CADPS2: variants seen among roughly 807,000 people sequenced by gnomAD.
CADPS2 encodes the protein calcium dependent secretion activator 2.
A neutral mutation model predicts 172.5 loss-of-function variants in CADPS2; 93 were observed. That is an observed-to-expected ratio of 0.54 (90% CI 0.46 to 0.64). CADPS2 has a LOEUF of 0.64. CADPS2 is among the 30% of genes least tolerant of loss of function. CADPS2 has a pLI of 0.00. For synonymous variants in CADPS2, 546 were observed against 555.2 expected (o/e 0.98, Z 0.23); for missense variants, 1,420 against 1,565.9 (o/e 0.91, Z 1.57).
At chr7:122,581,377 T>TA (rs2068791492) in intron 6 of CADPS2, 87 bp from the exon 7 acceptor site, 5 of 967,712 alleles carry the variant, frequency 5.2e-6, no homozygotes, top group Non-Finnish European at 8.2e-6. Flanking sequence ...GCAAATTAAA[T>TA]ACAGAATCTT....
At chr7:122,518,516 A>ACC (rs1299954057) in intron 8 of CADPS2, among the ~76,000 whole-genome samples, 1 of 152,112 alleles carries the variant, frequency 6.6e-6, no homozygotes, top group African/African-American at 2.4e-5. Flanking sequence ...TGAGTCTACC[A>ACC]AATAAACATA....
At chr7:122,330,226 T>TA (rs1299138364) in intron 28 of CADPS2, among the ~76,000 whole-genome samples, 5 of 152,206 alleles carry the variant, frequency 3.3e-5, no homozygotes, top group African/African-American at 1.2e-4. Context: ...CCTTAGGAAA[T>TA]ATGTACCTTT....
At chr7:122,698,370 G>A in intron 2 of CADPS2, 3 of 1,613,718 alleles carry the variant, frequency 1.9e-6, no homozygotes, top group South Asian at 1.1e-5. Flanking sequence ...TCCAGATGAT[G>A]TGCTTTCTCC....
chr7:122,456,139 T>C (rs903274562), intron 14 of CADPS2, among the ~76,000 whole-genome samples: 2 of 152,128 alleles, frequency 1.3e-5, no homozygotes, highest in Non-Finnish European at 2.9e-5. Flanking sequence ...AGAAAATCTT[T>C]AGTGTTTAAT....
intron 6 of CADPS2, among the ~76,000 whole-genome samples, chr7:122,613,839 C>T (rs896335543): frequency 8.6e-5 from 13 of 151,924 alleles, no homozygotes; most frequent in African/African-American, 2.9e-4. Context: ...TGGATGCTTA[C>T]TAAGTACTCA....
chr7:122,333,775 A>C (rs1286233448), intron 28 of CADPS2, among the ~76,000 whole-genome samples: 1 of 152,184 alleles, frequency 6.6e-6, no homozygotes, highest in African/African-American at 2.4e-5. Flanking sequence ...ACAAGGCTTT[A>C]ACTGAATCTT....
intron 14 of CADPS2, among the ~76,000 whole-genome samples, chr7:122,465,725 G>A (rs2055048364): frequency 6.6e-6 from 1 of 152,078 alleles, no homozygotes; most frequent in South Asian, 2.1e-4. Flanking sequence ...AGGACCACTG[G>A]TTTAAAAGAT....
At chr7:122,767,594 A>C (rs1380565006) in intron 1 of CADPS2, among the ~76,000 whole-genome samples, 1 of 152,092 alleles carries the variant, frequency 6.6e-6, no homozygotes, top group Non-Finnish European at 1.5e-5. Flanking sequence ...CAAAGGCCCT[A>C]ATTCTGCTCA....
chr7:122,514,603 T>A (rs1229659130), intron 8 of CADPS2, among the ~76,000 whole-genome samples: 1 of 152,198 alleles, frequency 6.6e-6, no homozygotes, highest in South Asian at 2.1e-4. Context: ...TAGGATAACA[T>A]GTCAATACAT....
intron 2 of CADPS2, chr7:122,701,782 C>G: frequency 8.3e-7 from 1 of 1,208,514 alleles, no homozygotes; most frequent in Non-Finnish European, 1.2e-6. Flanking sequence ...TTTATCTAAT[C>G]TTTGTATTTG....
In CADPS2 at chr7:122,774,269, TACACACACACACACACACACAC is replaced by T. The variant is rs56843003; in HGVS notation, c.340-37223_340-37202del. On this transcript the variant is annotated intron_variant, in intron 1 of 29. Coordinates refer to ENST00000449022, the MANE Select transcript of CADPS2 (RefSeq NM_017954.11). ...ATATATATATAGACATAGATAGATA[TACACACACACACACACACACAC>T]ACACACACACACACACACACTCTGG... 2.2e-3 allele frequency among the ~76,000 whole-genome samples: 321 copies of T among 143,066 alleles called. 1 individual carries two copies. Among genetic ancestry groups the T allele is most frequent in the Middle Eastern group, 7.2e-3 (2 of 276 alleles). 93.9% of individuals were successfully genotyped at this position (143,066 alleles called of 152,430 possible).
At chr7:122,489,197 AT>A (rs1403742730) in intron 11 of CADPS2, among the ~76,000 whole-genome samples, 1 of 152,194 alleles carries the variant, frequency 6.6e-6, no homozygotes, top group Admixed American at 6.5e-5. Flanking sequence ...TTCACATTTA[AT>A]TATTTGAACT....
intron 1 of CADPS2, among the ~76,000 whole-genome samples, chr7:122,786,141 TA>T (rs1793988848): frequency 6.6e-6 from 1 of 152,236 alleles, no homozygotes; most frequent in Non-Finnish European, 1.5e-5. Flanking sequence ...CTAGAAGGGA[TA>T]ACACGGACTT....
chr7:122,385,315 G>C (rs2151417412), intron 24 of CADPS2, among the ~76,000 whole-genome samples: 1 of 151,730 alleles, frequency 6.6e-6, no homozygotes, highest in South Asian at 2.1e-4. Context: ...CTGCTGAATT[G>C]CTCAAAGAAT....
chr7:122,765,132 G>T (rs1158229621), intron 1 of CADPS2, among the ~76,000 whole-genome samples: 1 of 152,086 alleles, frequency 6.6e-6, no homozygotes, highest in Non-Finnish European at 1.5e-5. Context: ...ACATGTTCTG[G>T]CATGTAACAA....
intron 22 of CADPS2, among the ~76,000 whole-genome samples, chr7:122,391,416 T>C (rs2044352404): frequency 6.6e-6 from 1 of 152,020 alleles, no homozygotes; most frequent in Non-Finnish European, 1.5e-5. Flanking sequence ...AAAAAATAAA[T>C]TTCGCAGGAT....
intron 8 of CADPS2, among the ~76,000 whole-genome samples, chr7:122,545,443 T>G (rs534916955): frequency 6.6e-6 from 1 of 152,052 alleles, no homozygotes; most frequent in Middle Eastern, 3.4e-3. Context: ...AAGTTAGGAG[T>G]TCGTGTTGGG....
chr7:122,518,687 T>A (rs1047993814), intron 8 of CADPS2, among the ~76,000 whole-genome samples: 1 of 152,090 alleles, frequency 6.6e-6, no homozygotes, highest in African/African-American at 2.4e-5. Context: ...ATTGTGTGAT[T>A]AACTCAAAGA....
chr7:122,454,993 A>C (rs943926375), intron 14 of CADPS2, among the ~76,000 whole-genome samples: 8 of 152,128 alleles, frequency 5.3e-5, no homozygotes, highest in Non-Finnish European at 1.2e-4. Flanking sequence ...TTCAACCATC[A>C]GTCATTATGA....
Sources: gnomAD v4.1 joint callset for allele counts (sites outside exome capture counted in the v4.1 genomes callset) on GRCh38, gnomAD v4.1.1 for gene constraint, MANE v1.5 for transcripts, NCBI Gene and HGNC (gene_info 2026-07-23, HGNC 2026-07-21) for gene names.